TGFB1: variants seen among roughly 807,000 people sequenced by gnomAD.
TGFB1 encodes the protein transforming growth factor beta 1.
TGFB1 carries 19 observed loss-of-function variants against 43.8 expected under a neutral mutation model. The observed-to-expected ratio is 0.43, with a 90% CI of 0.30 to 0.64. The LOEUF (loss-of-function observed/expected upper bound fraction) is 0.64, where lower values mean the gene tolerates loss of function less well. Among genes scored for constraint, TGFB1 ranks in the 30% least tolerant of loss-of-function variants. TGFB1 has a pLI of 0.11. For missense variants in TGFB1, 445 were observed against 529.8 expected, an observed-to-expected ratio of 0.84 and a Z score of 1.57; for synonymous variants, 221 against 236.3, an observed-to-expected ratio of 0.94 and a Z score of 0.60.
At chr19:41,338,334 A>T (rs1230367887) in intron 5 of TGFB1, among the ~76,000 whole-genome samples, 1 of 151,620 alleles carries the variant, frequency 6.6e-6, no homozygotes, top group Non-Finnish European at 1.5e-5. Context: ...CCTCTACTAA[A>T]AATACAAAAG....
intron 5 of TGFB1, 60 bp from the exon 6 acceptor site, chr19:41,332,341 C>G (rs1320103431): frequency 6.4e-7 from 1 of 1,568,042 alleles, no homozygotes; most frequent in Admixed American, 1.8e-5. Flanking sequence ...AAGCCACATG[C>G]CCCTCCTCCC....
At position 41,350,307 on chromosome 19, in the gene TGFB1, C is replaced by CT. The variant is rs55873066; in HGVS notation, c.356-1853dup. Among the ~76,000 whole-genome samples the CT allele has an allele frequency of 7.0e-3, 837 of 119,676 alleles. 11 individuals carry two copies. The highest frequency in any genetic ancestry group is 0.019 in the African/African-American group (580 of 30,550). 78.5% of individuals were successfully genotyped at this position (119,676 alleles called of 152,430 possible). On this transcript the variant is annotated intron_variant, in intron 1 of 6. Coordinates refer to ENST00000221930, the MANE Select transcript of TGFB1 (RefSeq NM_000660.7). ...AAAAGGAATTAAGGTGTTTTCTTTTCTTTTTTTTTTTTTTTTTTTGAGATG... is the reference window on the plus strand; with the variant it reads ...AAAAGGAATTAAGGTGTTTTCTTTTCTTTTTTTTTTTTTTTTTTTTGAGATG...
chr19:41,332,040 C>T, intron 6 of TGFB1, 88 bp downstream of exon 6: 1 of 1,529,668 alleles, frequency 6.5e-7, no homozygotes, highest in South Asian at 1.2e-5. Context: ...GCCAACTCAC[C>T]TCTCTGACTT....
rs2038228312 is a variant in TGFB1 at position 41,352,899 on chromosome 19, A to C, written c.146T>G (p.Ile49Ser). ...CAGCTTGGACAGGATCTGGCCGCGGATGGCCTCGATGCGCTTCCGCTTCAC... is the reference window on the plus strand; with the variant it reads ...CAGCTTGGACAGGATCTGGCCGCGGCTGGCCTCGATGCGCTTCCGCTTCAC... ...ELVKRKRIEA[I>S]RGQILSKLRL... Residue 49 changes from isoleucine (I) to serine (S), a missense_variant, in exon 1 of 7, where the codon ATC (isoleucine) becomes AGC (serine). Ile to Ser is a moderately radical substitution (Grantham distance 142). This residue lies in a region of TGFB1 where 366 missense variants were observed against 428.8 expected (regional missense o/e 0.85). Coordinates refer to ENST00000221930, the MANE Select transcript of TGFB1 (RefSeq NM_000660.7). 1.3e-6 allele frequency: 2 copies of C among 1,559,934 alleles called. No individual in the cohort carries two copies. The highest frequency in any genetic ancestry group is 1.7e-6 in the Non-Finnish European group (2 of 1,153,378).
Position 41,352,989 on chromosome 19 carries a change from A to C in TGFB1, c.56T>G (p.Leu19Arg), listed in dbSNP as rs925223339. 1 of 1,539,330 alleles carries C rather than the reference A, an allele frequency of 6.5e-7. No individual in the cohort carries two copies. Among genetic ancestry groups the C allele is most frequent in the Admixed American group, 2.0e-5 (1 of 51,012 alleles). The change falls in exon 1 of 7, where the codon CTG becomes CGG. Residue 19 changes from leucine to arginine, a missense_variant. By Grantham distance (102) the Leu-to-Arg change is moderately radical (BLOSUM62 -2). This residue lies in a region of TGFB1 where 366 missense variants were observed against 428.8 expected (regional missense o/e 0.85). Coordinates refer to ENST00000221930, the MANE Select transcript of TGFB1 (RefSeq NM_000660.7). ...LPLLLPLLWL[L>R]VLTPGRPAAG... ...GGCCGGCCGGCCAGGCGTCAGCACC[A>C]GTAGCCACAGCAGCGGTAGCAGCAG...
At position 41,331,093 on chromosome 19, in the gene TGFB1, G is replaced by T; in HGVS notation, c.1132C>A (p.Gln378Lys). 6.3e-7 allele frequency: 1 copy of T among 1,588,412 alleles called. No individual in the cohort carries two copies. Residue 378 changes from glutamine (Q) to lysine (K), a missense_variant, in exon 7 of 7, where the codon CAG (glutamine) becomes AAG (lysine). Physicochemically the swap from Gln to Lys is moderately conservative, Grantham distance 53 (BLOSUM62 1). Around this residue, in one of 3 missense-constraint regions of TGFB1, gnomAD observed 56 missense variants for 46.9 expected, o/e 1.19. Transcript: ENST00000221930. Reference protein sequence around the residue: ...YYVGRKPKVEQLSNMIVRSCK... With the variant: ...YYVGRKPKVEKLSNMIVRSCK... ...GAGCGCACGATCATGTTGGACAGCT[G>T]CTCCACCTTGGGCTTGCGGCCCACG...
chr19:41,351,438 C>T (rs1036976134), intron 1 of TGFB1, among the ~76,000 whole-genome samples: 2 of 152,154 alleles, frequency 1.3e-5, no homozygotes, highest in Admixed American at 6.5e-5. Context: ...GGCGCCGCAG[C>T]CAGGAGGGCG....
rs199704558 is a variant in TGFB1, at chr19:41,352,793, G to A, written c.252C>T (p.Thr84=). Residue 84 remains threonine (T), a synonymous_variant, in exon 1 of 7, where the codon ACC becomes ACT. Transcript: ENST00000221930. ...PEAVLALYNS[T]RDRVAGESAE... ...CACTCTCCCCGGCCACCCGGTCGCG[G>A]GTGCTGTTGTACAGGGCGAGCACGG... is the stretch of plus-strand genomic sequence containing the variant. The A allele has an allele frequency of 6.2e-7, 1 of 1,609,506 alleles. No individual in the cohort carries two copies. The highest frequency in any genetic ancestry group is 8.5e-7 in the Non-Finnish European group (1 of 1,177,484).
chr19:41,333,553 G>T (rs922774827), intron 5 of TGFB1, among the ~76,000 whole-genome samples: 1 of 152,090 alleles, frequency 6.6e-6, no homozygotes, highest in Non-Finnish European at 1.5e-5. Flanking sequence ...TAGAGACACG[G>T]TCTCACTATG....
At chr19:41,332,035 C>G in intron 6 of TGFB1, 93 bp downstream of exon 6, 1 of 1,495,526 alleles carries the variant, frequency 6.7e-7, no homozygotes, top group Non-Finnish European at 9.1e-7. Flanking sequence ...ATCCTGCCAA[C>G]TCACCTCTCT....
intron 5 of TGFB1, among the ~76,000 whole-genome samples, chr19:41,335,625 G>A (rs1045642226): frequency 1.3e-5 from 2 of 152,144 alleles, no homozygotes; most frequent in African/African-American, 4.8e-5. Flanking sequence ...GCACACATTC[G>A]GGGCCTACCC....
chr19:41,341,466 C>CAGAAA (rs2038054052), intron 5 of TGFB1, among the ~76,000 whole-genome samples: 1 of 35,586 alleles, frequency 2.8e-5, no homozygotes, highest in African/African-American at 1.2e-4. Context: ...GACTCTGTCT[C>CAGAAA]AAAAAAAAAA....
chr19:41,331,020 C>T lies in TGFB1; in HGVS notation c.*32G>A. 7.3e-7 allele frequency: 1 copy of T among 1,366,408 alleles called. No individual in the cohort carries two copies. The highest frequency in any genetic ancestry group is 9.6e-7 in the Non-Finnish European group (1 of 1,043,200). 84.6% of individuals were successfully genotyped at this position (1,366,408 alleles called of 1,614,324 possible). A position where few individuals can be genotyped will look rare whatever the true frequency, so the allele number is the denominator to read the frequency against. On this transcript the variant is annotated 3_prime_UTR_variant, in exon 7 of 7. Transcript: ENST00000221930. The stretch of plus-strand genomic sequence containing the variant: ...GGGGGCGGGGCGGGGTGGGGCCGGG[C>T]CTGCCGGGGCGGGGCGGGGCGGGGC...
Position 41,353,260 on chromosome 19 carries a change from C to G in TGFB1, c.-216G>C. ...CGGAAATAACCTAGATGGGCGCGAT[C>G]TGGTACCAGAAGGTGGGTGGTCTTG... On this transcript the variant is annotated 5_prime_UTR_variant, in exon 1 of 7. Coordinates refer to ENST00000221930, the MANE Select transcript of TGFB1 (RefSeq NM_000660.7). This position sits in a 1 kb window ranked among gnomAD's most constrained non-coding sequence, Gnocchi z 5.9. 1 of 556,784 alleles carries G rather than the reference C, an allele frequency of 1.8e-6. No homozygotes were observed. Among genetic ancestry groups the G allele is most frequent in the Non-Finnish European group, 3.1e-6 (1 of 325,890 alleles). The allele number at this position is 556,784 out of a possible 1,614,324, so 34.5% of individuals were successfully genotyped here.
chr19:41,352,892 G>A lies in TGFB1; in HGVS notation c.153C>T (p.Gly51=), dbSNP rs2038228154. 1.3e-6 allele frequency: 2 copies of A among 1,561,192 alleles called. No individual in the cohort carries two copies. Among genetic ancestry groups the A allele is most frequent in the Admixed American group, 1.9e-5 (1 of 51,818 alleles). The part of the protein sequence containing the change: ...VKRKRIEAIR[G]QILSKLRLAS... ...CGAGCCGCAGCTTGGACAGGATCTG[G>A]CCGCGGATGGCCTCGATGCGCTTCC... Residue 51 remains glycine, a synonymous_variant, in exon 1 of 7, where the codon GGC becomes GGT. Transcript: ENST00000221930.
chr19:41,341,328 G>A (rs532291546), intron 5 of TGFB1, among the ~76,000 whole-genome samples: 8 of 151,968 alleles, frequency 5.3e-5, no homozygotes, highest in Middle Eastern at 3.4e-3. Context: ...TTAGCTGGGC[G>A]TGGTGGCACG....
intron 5 of TGFB1, among the ~76,000 whole-genome samples, chr19:41,338,705 G>A (rs571162926): frequency 6.4e-4 from 97 of 151,716 alleles, no homozygotes; most frequent in Non-Finnish European, 1.1e-3. Context: ...TGGGCGTGGC[G>A]GTGGGCACCT....
intron 5 of TGFB1, among the ~76,000 whole-genome samples, chr19:41,339,242 A>G (rs564293023): frequency 1.3e-4 from 19 of 151,886 alleles, no homozygotes; most frequent in African/African-American, 4.6e-4. Context: ...CAGCCTCCCA[A>G]GTAGCTGGGA....
chr19:41,336,096 A>T (rs1486842199), intron 5 of TGFB1, among the ~76,000 whole-genome samples: 1 of 151,272 alleles, frequency 6.6e-6, no homozygotes, highest in Non-Finnish European at 1.5e-5. Flanking sequence ...CCCAAGTTCA[A>T]GCAATTCTCC....
Sources: gnomAD v4.1 joint callset for allele counts (sites outside exome capture counted in the v4.1 genomes callset) on GRCh38, gnomAD v4.1.1 for gene constraint, gnomAD v4.1.1 regional missense constraint, Gnocchi (gnomAD v3.1) non-coding constraint, MANE v1.5 for transcripts, NCBI Gene and HGNC (gene_info 2026-07-23, HGNC 2026-07-21) for gene names.